The following NRG3 variants were observed in gnomAD, a reference collection of about 807,000 sequenced individuals.
NRG3 encodes neuregulin 3.
NRG3 carries 31 observed loss-of-function variants against 66.9 expected under a neutral mutation model. The observed-to-expected ratio is 0.46, with a 90% CI of 0.35 to 0.63. The LOEUF (loss-of-function observed/expected upper bound fraction) is 0.63. Ranked by LOEUF, NRG3 falls within the 20% of genes least tolerant of loss-of-function variation. The pLI is 0.00. For synonymous variants in NRG3, 393 were observed against 359.4 expected (o/e 1.09, Z -1.06); for missense variants, 910 against 878.9 (o/e 1.04, Z -0.45).
At chr10:82,221,188 T>C (rs1314650488) in intron 1 of NRG3, among the ~76,000 whole-genome samples, 1 of 151,108 alleles carries the variant, frequency 6.6e-6, no homozygotes, top group African/African-American at 2.4e-5. Flanking sequence ...GATTTGGAAC[T>C]GAGGATTTTT....
At chr10:82,833,605 A>G (rs2062635174) in intron 3 of NRG3, among the ~76,000 whole-genome samples, 1 of 152,176 alleles carries the variant, frequency 6.6e-6, no homozygotes, top group Non-Finnish European at 1.5e-5. Context: ...CCGACCTTCC[A>G]ATACCGATCC....
intron 4 of NRG3, among the ~76,000 whole-genome samples, chr10:82,930,559 G>A (rs1018205683): frequency 6.6e-6 from 1 of 152,152 alleles, no homozygotes; most frequent in African/African-American, 2.4e-5. Context: ...TTGTCTGGAT[G>A]TTCAGGAACA....
chr10:82,941,527 T>G (rs966349626), intron 4 of NRG3, among the ~76,000 whole-genome samples: 3 of 152,206 alleles, frequency 2.0e-5, no homozygotes, highest in African/African-American at 4.8e-5. Context: ...TTTTTAAAAA[T>G]AAAATTCAGG....
chr10:82,346,629 C>G (rs2083041622), intron 1 of NRG3, among the ~76,000 whole-genome samples: 1 of 151,674 alleles, frequency 6.6e-6, no homozygotes, highest in East Asian at 1.9e-4. Flanking sequence ...GGAATAGTTT[C>G]AGAAGGAATG....
chr10:82,581,062 AC>A (rs1173137909), intron 2 of NRG3, among the ~76,000 whole-genome samples: 2 of 151,906 alleles, frequency 1.3e-5, no homozygotes, highest in Non-Finnish European at 2.9e-5. Flanking sequence ...TTACATTCCC[AC>A]CACAATGAAT....
chr10:82,944,379 G>A (rs1188599510), intron 4 of NRG3, among the ~76,000 whole-genome samples: 1 of 152,170 alleles, frequency 6.6e-6, no homozygotes, highest in African/African-American at 2.4e-5. Context: ...CAGAAGCAGG[G>A]TAGACAGATT....
chr10:82,029,321 A>T (rs2132859230), intron 1 of NRG3, among the ~76,000 whole-genome samples: 1 of 152,268 alleles, frequency 6.6e-6, no homozygotes, highest in South Asian at 2.1e-4. Context: ...TTCCTTTGTA[A>T]AAATAGACAT....
intron 1 of NRG3, among the ~76,000 whole-genome samples, chr10:82,165,889 G>A (rs2072010986): frequency 6.6e-6 from 1 of 151,760 alleles, no homozygotes; most frequent in African/African-American, 2.4e-5. Context: ...AGTACATCTA[G>A]TCAACATTTT....
intron 1 of NRG3, among the ~76,000 whole-genome samples, chr10:82,265,030 A>G (rs113864181): frequency 3.3e-5 from 5 of 152,112 alleles, no homozygotes; most frequent in South Asian, 2.1e-4. Context: ...TCTCTCAGCA[A>G]GTTAACTAGG....
At chr10:82,560,647 C>T (rs1590672095) in intron 2 of NRG3, among the ~76,000 whole-genome samples, 1 of 150,774 alleles carries the variant, frequency 6.6e-6, no homozygotes, top group Admixed American at 6.6e-5. Context: ...AAATGTTAAT[C>T]ATATTTTATG....
At chr10:82,564,628 C>G (rs1004389691) in intron 2 of NRG3, among the ~76,000 whole-genome samples, 1 of 152,094 alleles carries the variant, frequency 6.6e-6, no homozygotes, top group Non-Finnish European at 1.5e-5. Flanking sequence ...TTCTTAGACT[C>G]TAACACTCTA....
intron 2 of NRG3, among the ~76,000 whole-genome samples, chr10:82,727,189 A>G (rs2134592716): frequency 6.6e-6 from 1 of 152,314 alleles, no homozygotes; most frequent in African/African-American, 2.4e-5. Context: ...TTCTGAGGAG[A>G]AATTCAAGCT....
chr10:82,472,991 G>A (rs1329011861), intron 2 of NRG3, among the ~76,000 whole-genome samples: 1 of 152,182 alleles, frequency 6.6e-6, no homozygotes, highest in African/African-American at 2.4e-5. Context: ...TTCCTTCTGA[G>A]CTGATGCACA....
intron 1 of NRG3, among the ~76,000 whole-genome samples, chr10:82,333,183 T>C (rs1437455482): frequency 6.6e-6 from 1 of 152,184 alleles, no homozygotes; most frequent in African/African-American, 2.4e-5. Context: ...TCCGTAACAA[T>C]GGGGAAGAAA....
chr10:82,622,954 A>G (rs1389099158), intron 2 of NRG3, among the ~76,000 whole-genome samples: 3 of 151,118 alleles, frequency 2.0e-5, no homozygotes, highest in East Asian at 1.9e-4. Flanking sequence ...AGTGTGTGCT[A>G]TTTTCAATTT....
At chr10:82,119,149 G>A (rs544715766) in intron 1 of NRG3, among the ~76,000 whole-genome samples, 2 of 152,038 alleles carry the variant, frequency 1.3e-5, no homozygotes, top group Non-Finnish European at 2.9e-5. Context: ...TATTTTTTGT[G>A]GTGAGAACAT....
intron 3 of NRG3, among the ~76,000 whole-genome samples, chr10:82,810,973 G>C (rs1378702452): frequency 6.6e-6 from 1 of 152,040 alleles, no homozygotes; most frequent in East Asian, 1.9e-4. Context: ...CTATGGAGAG[G>C]TGTCCTTGTG....
At chr10:82,185,136 G>T (rs1362526409) in intron 1 of NRG3, among the ~76,000 whole-genome samples, 1 of 152,126 alleles carries the variant, frequency 6.6e-6, no homozygotes, top group African/African-American at 2.4e-5. Flanking sequence ...TCCAGACTCA[G>T]GACCAGTCCT....
At chr10:82,123,012 A>T (rs990036230) in intron 1 of NRG3, among the ~76,000 whole-genome samples, 5 of 151,640 alleles carry the variant, frequency 3.3e-5, no homozygotes, top group Admixed American at 2.6e-4. Context: ...AGTGAAAAAA[A>T]AAAACACATA....
Sources: gnomAD v4.1 joint callset for allele counts (sites outside exome capture counted in the v4.1 genomes callset) on GRCh38, gnomAD v4.1.1 for gene constraint, MANE v1.5 for transcripts, NCBI Gene and HGNC (gene_info 2026-07-23, HGNC 2026-07-21) for gene names.